RASA3: variants seen among roughly 807,000 people sequenced by gnomAD.
The protein encoded by RASA3 is RAS p21 protein activator 3.
Under a neutral mutation model 110.0 loss-of-function variants are expected in RASA3, and 73 were observed. The observed-to-expected ratio is 0.66, with a 90% confidence interval of 0.55 to 0.81. The LOEUF (loss-of-function observed/expected upper bound fraction) is 0.81. RASA3 is among the 30% of genes least tolerant of loss of function. The probability of loss-of-function intolerance (pLI) is 0.00; values close to 1 mark genes in which losing one functional copy is unlikely to be tolerated. For synonymous variants in RASA3, 500 were observed against 451.4 expected (o/e 1.11, Z -1.37); for missense variants, 976 against 1,113.2 (o/e 0.88, Z 1.75).
intron 1 of RASA3, among the ~76,000 whole-genome samples, chr13:114,117,997 G>T (rs565649266): frequency 1.3e-5 from 2 of 148,602 alleles, no homozygotes; most frequent in East Asian, 1.9e-4. Context: ...GGATGTTGCC[G>T]TGTGCACGTG....
chr13:114,005,503 C>G (rs1289165575), intron 18 of RASA3, among the ~76,000 whole-genome samples: 1 of 152,130 alleles, frequency 6.6e-6, no homozygotes, highest in East Asian at 1.9e-4. Context: ...AGAGGGGTCC[C>G]AGGCTGAAGG....
At chr13:114,040,145 G>C (rs1406691977) in intron 4 of RASA3, among the ~76,000 whole-genome samples, 1 of 152,282 alleles carries the variant, frequency 6.6e-6, no homozygotes, top group Non-Finnish European at 1.5e-5. Context: ...AAGGGCGGCA[G>C]TAGGCAAAGG....
intron 1 of RASA3, among the ~76,000 whole-genome samples, chr13:114,124,104 C>T (rs371470723): frequency 2.0e-5 from 3 of 152,184 alleles, no homozygotes; most frequent in South Asian, 2.1e-4. Flanking sequence ...ACCCAGGACA[C>T]GCAGGTCAGC....
At chr13:114,033,643 C>A (rs551719834) in intron 4 of RASA3, among the ~76,000 whole-genome samples, 25 of 151,384 alleles carry the variant, frequency 1.7e-4, no homozygotes, top group Non-Finnish European at 3.5e-4. Context: ...ACACTTGACA[C>A]CACGTTCCAC....
chr13:113,994,108 C>T (rs1378562319), intron 21 of RASA3, among the ~76,000 whole-genome samples: 1 of 152,176 alleles, frequency 6.6e-6, no homozygotes, highest in Non-Finnish European at 1.5e-5. Flanking sequence ...GTAATTTTTT[C>T]CATACTGATT....
At chr13:114,081,498 T>G (rs1407464991) in intron 1 of RASA3, among the ~76,000 whole-genome samples, 6 of 152,044 alleles carry the variant, frequency 3.9e-5, no homozygotes, top group Non-Finnish European at 8.8e-5. Flanking sequence ...AATGAGCCGC[T>G]GGGGAAAATA....
intron 23 of RASA3, among the ~76,000 whole-genome samples, chr13:113,979,842 C>T (rs1464768064): frequency 6.6e-6 from 1 of 151,892 alleles, no homozygotes; most frequent in Non-Finnish European, 1.5e-5. Flanking sequence ...CACATGCACA[C>T]CTCCCTCATA....
At chr13:113,981,636 A>C in intron 23 of RASA3, 39 bp downstream of exon 23, 1 of 1,605,220 alleles carries the variant, frequency 6.2e-7, no homozygotes, top group Non-Finnish European at 8.5e-7. Context: ...CCCGCCCACT[A>C]CACTGGCCGT....
chr13:114,100,680 C>T lies in RASA3; in HGVS notation c.56-26843G>A, dbSNP rs576501748. Among the ~76,000 whole-genome samples the T allele has an allele frequency of 5.3e-5, 8 of 152,328 alleles. No homozygotes were observed. In the East Asian group the frequency reaches 1.5e-3, roughly 29 times the overall value. On this transcript the variant is annotated intron_variant, in intron 1 of 23. Coordinates refer to ENST00000334062, the MANE Select transcript of RASA3 (RefSeq NM_007368.4). Reference sequence around the variant, plus strand: ...CACACCAGGACACCTGGGCAAACAGCCTCAACTCGGAAAATCCCAGGCTGG... The same window carrying T: ...CACACCAGGACACCTGGGCAAACAGTCTCAACTCGGAAAATCCCAGGCTGG...
At chr13:114,074,788 T>C (rs2079639577) in intron 1 of RASA3, among the ~76,000 whole-genome samples, 1 of 152,224 alleles carries the variant, frequency 6.6e-6, no homozygotes, top group Non-Finnish European at 1.5e-5. Context: ...CCCGGACTCC[T>C]TGTTTGCCAG....
At chr13:114,009,257 C>G (rs1202892194) in intron 17 of RASA3, 130 bp downstream of exon 17, 1 of 739,660 alleles carries the variant, frequency 1.4e-6, no homozygotes, top group African/African-American at 1.8e-5. Context: ...TGTGAATGCA[C>G]CGAACGCCTT....
chr13:114,030,912 T>C (rs2054153116), intron 4 of RASA3, among the ~76,000 whole-genome samples: 2 of 151,038 alleles, frequency 1.3e-5, no homozygotes, highest in Admixed American at 6.6e-5. Flanking sequence ...TATGTGTGTC[T>C]GCCTATGCAT....
intron 1 of RASA3, among the ~76,000 whole-genome samples, chr13:114,092,224 T>G (rs1343156206): frequency 6.6e-6 from 1 of 152,198 alleles, no homozygotes; most frequent in Non-Finnish European, 1.5e-5. Flanking sequence ...GTTGGCTTCT[T>G]GATTTTCCAG....
At chr13:114,027,235 T>A (rs1309522573) in intron 7 of RASA3, among the ~76,000 whole-genome samples, 154 bp downstream of exon 7, 1 of 151,360 alleles carries the variant, frequency 6.6e-6, no homozygotes, top group Non-Finnish European at 1.5e-5. Flanking sequence ...CTCGCTCCTC[T>A]CCGGAAGGAA....
chr13:114,090,867 A>G (rs1349764136), intron 1 of RASA3, among the ~76,000 whole-genome samples: 3 of 152,158 alleles, frequency 2.0e-5, no homozygotes, highest in African/African-American at 7.2e-5. Flanking sequence ...CAAAGTTTCA[A>G]GTAGAAGGTG....
At chr13:114,018,717 G>T in intron 10 of RASA3, 46 bp downstream of exon 10, 7 of 1,601,078 alleles carry the variant, frequency 4.4e-6, no homozygotes, top group Non-Finnish European at 6.0e-6. Flanking sequence ...CCCCAGGCAG[G>T]TGGCACCTCC....
rs2053743599 is a variant in RASA3, at chr13:114,014,416, C to A, written c.1405+793G>T. Among the ~76,000 whole-genome samples, 1 of 152,168 alleles carries A rather than the reference C, an allele frequency of 6.6e-6. No individual in the cohort carries two copies. Among genetic ancestry groups the A allele is most frequent in the Non-Finnish European group, 1.5e-5 (1 of 68,026 alleles). On this transcript the variant is annotated intron_variant, in intron 14 of 23. Coordinates refer to ENST00000334062, the MANE Select transcript of RASA3 (RefSeq NM_007368.4). This position sits in a 1 kb window ranked among gnomAD's most constrained non-coding sequence, Gnocchi z 4.5. ...AATCAGGGGTGGGGACAGCGTTTGT[C>A]TCCTGGGGACACAGAAGCGTGGACG...
At position 113,979,293 on chromosome 13, in the gene RASA3, G is replaced by T; in HGVS notation, c.*54C>A. 1 of 1,471,690 alleles carries T rather than the reference G, an allele frequency of 6.8e-7. No homozygotes were observed. 91.2% of individuals were successfully genotyped at this position (1,471,690 alleles called of 1,614,324 possible). A position where few individuals can be genotyped will look rare whatever the true frequency, so the allele number is the denominator to read the frequency against. ...CTTCCTTCTCTTCTCCCTCCCAAAGGCTGCGGCTTTGCATGGGCAGCTTGC... is the reference window on the plus strand; with the variant it reads ...CTTCCTTCTCTTCTCCCTCCCAAAGTCTGCGGCTTTGCATGGGCAGCTTGC... On this transcript the variant is annotated 3_prime_UTR_variant, in exon 24 of 24. Coordinates refer to ENST00000334062, the MANE Select transcript of RASA3 (RefSeq NM_007368.4).
chr13:113,979,488 C>G, intron 23 of RASA3, 66 bp from the exon 24 acceptor site: 1 of 1,327,362 alleles, frequency 7.5e-7, no homozygotes. Flanking sequence ...CCCGTGGCTG[C>G]GGGAGCTTTT....
Sources: gnomAD v4.1 joint callset for allele counts (sites outside exome capture counted in the v4.1 genomes callset) on GRCh38, gnomAD v4.1.1 for gene constraint, Gnocchi (gnomAD v3.1) non-coding constraint, MANE v1.5 for transcripts, NCBI Gene and HGNC (gene_info 2026-07-23, HGNC 2026-07-21) for gene names.